The following GAK variants were observed in gnomAD, a reference collection of about 807,000 sequenced individuals.
The protein encoded by GAK is cyclin G associated kinase.
Under a neutral mutation model 143.9 loss-of-function variants are expected in GAK, and 79 were observed. The observed-to-expected ratio is 0.55, with a 90% CI of 0.46 to 0.66. GAK has a LOEUF of 0.66. GAK is among the 30% of genes least tolerant of loss of function. The pLI is 0.00. For missense variants in GAK, 1,693 were observed against 1,779.7 expected (o/e 0.95, Z 0.88); for synonymous variants, 881 against 765.5 (o/e 1.15, Z -2.49).
intron 22 of GAK, 119 bp downstream of exon 22, chr4:866,245 G>A (rs561975630): frequency 4.0e-5 from 41 of 1,037,740 alleles, no homozygotes; most frequent in South Asian, 3.2e-4. Context: ...GAGCGCACCC[G>A]GAGGCCACAC....
At position 883,440 on chromosome 4, in the gene GAK, C is replaced by T. The variant is rs1715581721; in HGVS notation, c.1279G>A (p.Val427Met). Residue 427 changes from valine (V) to methionine (M), a missense_variant, in exon 13 of 28, where the codon GTG becomes ATG. Around this residue, in one of 2 missense-constraint regions of GAK, gnomAD observed 871 missense variants for 991.0 expected, o/e 0.88. Coordinates refer to ENST00000314167, the MANE Select transcript of GAK (RefSeq NM_005255.4). Reference sequence around the variant, plus strand: ...ATGTTGTTTTTGAGCGCTGACTCCACACCTTCTGCTGGGAATGACATCACT... The same window carrying T: ...ATGTTGTTTTTGAGCGCTGACTCCATACCTTCTGCTGGGAATGACATCACT... ...IAVMSFPAEG[V>M]ESALKNNIED... is the part of the protein sequence containing the mutation. The T allele has an allele frequency of 1.1e-5, 18 of 1,613,700 alleles. No homozygotes were observed. The highest frequency in any genetic ancestry group is 1.5e-5 in the Non-Finnish European group (18 of 1,180,014).
At chr4:884,529 TCCAGCAGAC>T (rs1473079440) in intron 11 of GAK, 2 of 165,050 alleles carry the variant, frequency 1.2e-5, no homozygotes, top group Middle Eastern at 2.7e-3. Context: ...GCAGTGCGAC[TCCAGCAGAC>T]GCCGCTGGAG....
chr4:882,932 G>C (rs867518289), intron 13 of GAK, 113 bp from the exon 14 acceptor site: 8 of 1,378,460 alleles, frequency 5.8e-6, no homozygotes, highest in Middle Eastern at 2.6e-4. Flanking sequence ...CTGGTGTCAT[G>C]AACAGGCGTC....
Position 867,442 on chromosome 4 carries a change from G to A in GAK, c.2396-10C>T, listed in dbSNP as rs1490724793. On this transcript the variant is annotated splice_polypyrimidine_tract_variant and intron_variant, in intron 20 of 27. Coordinates refer to ENST00000314167, the MANE Select transcript of GAK (RefSeq NM_005255.4). ...TCTGCCTCCTTCTCTTCTGCGAAAAGGAAACAAAACCACAGGCTAGTGAGA... is the reference window on the plus strand; with the variant it reads ...TCTGCCTCCTTCTCTTCTGCGAAAAAGAAACAAAACCACAGGCTAGTGAGA... 2.6e-6 allele frequency: 4 copies of A among 1,513,418 alleles called. No individual in the cohort carries two copies. The highest frequency in any genetic ancestry group is 1.8e-4 in the Middle Eastern group (1 of 5,616). The allele number at this position is 1,513,418 out of a possible 1,614,324, so 93.7% of individuals were successfully genotyped here. A position where few individuals can be genotyped will look rare whatever the true frequency, so the allele number is the denominator to read the frequency against.
At chr4:912,335 G>A (rs1032058460) in intron 3 of GAK, 15 of 368,868 alleles carry the variant, frequency 4.1e-5, no homozygotes, top group African/African-American at 1.5e-4. Flanking sequence ...GAGAAGGGAC[G>A]AGAGGGGCGG....
chr4:922,598 T>G (rs545847860), intron 1 of GAK, among the ~76,000 whole-genome samples: 19 of 151,662 alleles, frequency 1.3e-4, no homozygotes, highest in Non-Finnish European at 2.4e-4. Flanking sequence ...CATCTTGCTC[T>G]TGGCCTTCAA....
chr4:885,550 G>A (rs1716152413), intron 11 of GAK, among the ~76,000 whole-genome samples: 1 of 152,172 alleles, frequency 6.6e-6, no homozygotes, highest in Non-Finnish European at 1.5e-5. Context: ...GGCTGTGTAG[G>A]CCTCAGGCAC....
intron 3 of GAK, 118 bp from the exon 4 acceptor site, chr4:911,905 C>T (rs1200451548): frequency 1.3e-6 from 1 of 759,738 alleles, no homozygotes; most frequent in Admixed American, 2.2e-5. Flanking sequence ...CGAACCCTTA[C>T]AATTTTAGAC....
rs753447635 is a variant in GAK at position 881,962 on chromosome 4, C to T, written c.1606G>A (p.Val536Met). 15 of 1,600,346 alleles carry T rather than the reference C, an allele frequency of 9.4e-6. No homozygotes were observed. Among genetic ancestry groups the T allele is most frequent in the Middle Eastern group, 1.6e-4 (1 of 6,074 alleles). ...CAGCGCTTCATGCTGAACATGTACA[C>T]GGCGGCCTCCGCGGTGCTGAAGAGA... ...CRLFSTAEAA[V>M]YMFSMKRCPP... Residue 536 changes from valine to methionine, a missense_variant, in exon 15 of 28, where the codon GTG (valine) becomes ATG (methionine). By Grantham distance (21) the Val-to-Met change is conservative (BLOSUM62 1). Coordinates refer to ENST00000314167, the MANE Select transcript of GAK (RefSeq NM_005255.4).
Position 888,877 on chromosome 4 carries a change from G to A in GAK, c.1175C>T (p.Thr392Ile). 3 of 1,610,264 alleles carry A rather than the reference G, an allele frequency of 1.9e-6. No homozygotes were observed. The highest frequency in any genetic ancestry group is 2.5e-6 in the Non-Finnish European group (3 of 1,178,786). Residue 392 changes from threonine (T) to isoleucine (I), a missense_variant, in exon 11 of 28, where the codon ACC becomes ATC. Coordinates refer to ENST00000314167, the MANE Select transcript of GAK (RefSeq NM_005255.4). ...GACGGACTGGATGACCTTGGAGGAG[G>A]TGTCCTTGAGGTTGGTGAAGAGCCG... ...TERLFTNLKD[T>I]SSKVIQSVAN...
chr4:910,078 C>T (rs1721776859), intron 4 of GAK, among the ~76,000 whole-genome samples: 1 of 152,158 alleles, frequency 6.6e-6, no homozygotes, highest in South Asian at 2.1e-4. Context: ...AGGTGGGACC[C>T]CCAGGCAGAG....
Position 893,870 on chromosome 4 carries a change from T to G in GAK, c.877+4A>C. 2 of 1,581,226 alleles carry G rather than the reference T, an allele frequency of 1.3e-6. No individual in the cohort carries two copies. Among genetic ancestry groups the G allele is most frequent in the South Asian group, 2.3e-5 (2 of 86,182 alleles). ...CCCCACGCACGCATTCCACCGGGAC[T>G]TACGGATGAGGCTGTGGAAGACCGT... On this transcript the variant is annotated splice_donor_region_variant and intron_variant, in intron 8 of 27. Transcript: ENST00000314167.
In GAK at chr4:854,244, G is replaced by A. The variant is rs984388253; in HGVS notation, c.3284-2270C>T. ...AAGTGAACAAAGGTCTCTGGTTTTCGTAGGCAGAGGACCCTGCGCTCTCGC... is the reference window on the plus strand; with the variant it reads ...AAGTGAACAAAGGTCTCTGGTTTTCATAGGCAGAGGACCCTGCGCTCTCGC... On this transcript the variant is annotated intron_variant, in intron 24 of 27. Transcript: ENST00000314167. Among the ~76,000 whole-genome samples the A allele has an allele frequency of 3.3e-5, 5 of 151,876 alleles. No homozygotes were observed. In the East Asian group the frequency reaches 5.8e-4, roughly 18 times the overall value.
chr4:902,605 A>AAAAACAAAAAAAC (rs1553889063), intron 5 of GAK, among the ~76,000 whole-genome samples: 1 of 130,310 alleles, frequency 7.7e-6, no homozygotes, highest in Admixed American at 8.3e-5. Context: ...TCAAAAAAAA[A>AAAAACAAAAAAAC]AAAAAAAAAC....
chr4:867,259 C>T lies in GAK; in HGVS notation c.2569G>A (p.Val857Met). ...ACCTCAAAAACCAAGTCCTGCTGCA[C>T]CAGCCCTGCTGCCAGGCCGGGGGGC... ...PEPPGLAAGL[V>M]QQDLVFEVET... The change falls in exon 21 of 28, where the codon GTG (valine) becomes ATG (methionine). Residue 857 changes from valine (V) to methionine (M), a missense_variant. By Grantham distance (21) the Val-to-Met change is conservative (BLOSUM62 1). Transcript: ENST00000314167. 6.2e-7 allele frequency: 1 copy of T among 1,612,998 alleles called. No homozygotes were observed. The highest frequency in any genetic ancestry group is 8.5e-7 in the Non-Finnish European group (1 of 1,179,614).
At chr4:901,177 T>TGGGCTGAGGC (rs1449692202) in intron 5 of GAK, among the ~76,000 whole-genome samples, 1 of 152,288 alleles carries the variant, frequency 6.6e-6, no homozygotes, top group African/African-American at 2.4e-5. Context: ...TGGCCCTGGG[T>TGGGCTGAGGC]GGGCTGAGGC....
At chr4:885,756 A>T (rs925822709) in intron 11 of GAK, 3 of 141,512 alleles carry the variant, frequency 2.1e-5, no homozygotes, top group African/African-American at 7.7e-5. Context: ...AAATGAATTC[A>T]CTGTCCTTTT....
chr4:924,530 A>G (rs569205171), intron 1 of GAK, among the ~76,000 whole-genome samples: 1 of 152,364 alleles, frequency 6.6e-6, no homozygotes, highest in Admixed American at 6.5e-5. Flanking sequence ...TATTCATAAC[A>G]GCGGATACGG....
In GAK at chr4:917,072, C is replaced by A. The variant is rs557159500; in HGVS notation, c.146-3404G>T. 4.6e-5 allele frequency among the ~76,000 whole-genome samples: 7 copies of A among 151,966 alleles called. No individual in the cohort carries two copies. The East Asian group carries it at 1.2e-3, about 25-fold the overall frequency. On this transcript the variant is annotated intron_variant, in intron 1 of 27. Coordinates refer to ENST00000314167, the MANE Select transcript of GAK (RefSeq NM_005255.4). Reference sequence around the variant, plus strand: ...AGTATGCCGAGTAAAAGATGCCAGGCGAAAAAAGAGTACATACACATACAT... The same window carrying A: ...AGTATGCCGAGTAAAAGATGCCAGGAGAAAAAAGAGTACATACACATACAT...
Sources: allele counts gnomAD v4.1 joint callset (sites outside exome capture counted in the v4.1 genomes callset), GRCh38; gene constraint gnomAD v4.1.1; regional missense constraint gnomAD v4.1.1; transcripts MANE v1.5; gene names NCBI Gene and HGNC (gene_info 2026-07-23, HGNC 2026-07-21).